NRXN1: variants seen among roughly 807,000 people sequenced by gnomAD.
NRXN1 encodes neurexin-1.
In NRXN1, 39 loss-of-function variants were observed where a neutral mutation model predicts 150.9. The ratio of observed to expected loss-of-function variants is 0.26; its 90% CI spans 0.20 to 0.34. The LOEUF (loss-of-function observed/expected upper bound fraction) is 0.34. Among genes scored for constraint, NRXN1 ranks in the 10% least tolerant of loss-of-function variants. NRXN1 has a pLI of 1.00. For missense variants in NRXN1, 1,815 were observed against 1,949.9 expected (o/e 0.93, Z 1.30); for synonymous variants, 924 against 757.0 (o/e 1.22, Z -3.62).
chr2:50,535,169 C>T (rs962790258), intron 10 of NRXN1, among the ~76,000 whole-genome samples: 7 of 152,162 alleles, frequency 4.6e-5, no homozygotes, highest in African/African-American at 1.4e-4. Context: ...TGGTAAACAA[C>T]ATTCTGACAT....
chr2:50,260,734 T>C (rs1220708526), intron 17 of NRXN1, among the ~76,000 whole-genome samples: 1 of 147,656 alleles, frequency 6.8e-6, no homozygotes, highest in African/African-American at 2.5e-5. Flanking sequence ...GAAGACAGTA[T>C]CAGAGCAGTG....
At chr2:49,963,108 C>T (rs1676291056) in intron 21 of NRXN1, among the ~76,000 whole-genome samples, 1 of 152,080 alleles carries the variant, frequency 6.6e-6, no homozygotes, top group African/African-American at 2.4e-5. Context: ...AGTTAGCTAC[C>T]CCTACAATGT....
intron 5 of NRXN1, among the ~76,000 whole-genome samples, chr2:50,818,452 T>G (rs1299888994): frequency 6.6e-6 from 1 of 151,908 alleles, no homozygotes; most frequent in Non-Finnish European, 1.5e-5. Context: ...TTGGTTTAAT[T>G]TTTTATTTTT....
chr2:50,785,873 A>G (rs562529391), intron 5 of NRXN1, among the ~76,000 whole-genome samples: 107 of 152,174 alleles, frequency 7.0e-4, no homozygotes, highest in African/African-American at 2.6e-3. Flanking sequence ...CTGTTGTCCA[A>G]CTACTATTAT....
intron 17 of NRXN1, among the ~76,000 whole-genome samples, chr2:50,281,744 T>G (rs2071495084): frequency 6.6e-6 from 1 of 152,106 alleles, no homozygotes; most frequent in African/African-American, 2.4e-5. Context: ...CATCTCAGAT[T>G]TATTTGTTGG....
chr2:50,606,837 T>C lies in NRXN1; in HGVS notation c.1320+13185A>G, dbSNP rs1230956561. On this transcript the variant is annotated intron_variant, in intron 8 of 22. Transcript: ENST00000401669. Reference sequence around the variant, plus strand: ...ATACTTAAAGAAAAACTACTAGGAATGCAAAATTCTTCCTTTGTGGTTAAT... The same window carrying C: ...ATACTTAAAGAAAAACTACTAGGAACGCAAAATTCTTCCTTTGTGGTTAAT... 2.6e-5 allele frequency among the ~76,000 whole-genome samples: 4 copies of C among 152,182 alleles called. No homozygotes were observed. In the East Asian group the frequency reaches 7.7e-4, roughly 29 times the overall value.
intron 17 of NRXN1, among the ~76,000 whole-genome samples, chr2:50,463,752 A>G (rs540509461): frequency 6.6e-6 from 1 of 151,940 alleles, no homozygotes; most frequent in Non-Finnish European, 1.5e-5. Context: ...AGTCTGCCAC[A>G]ACCAAATGGC....
chr2:50,140,265 G>C (rs1439253772), intron 18 of NRXN1, among the ~76,000 whole-genome samples: 3 of 152,068 alleles, frequency 2.0e-5, no homozygotes, highest in Non-Finnish European at 4.4e-5. Flanking sequence ...ACAATAGAGA[G>C]TATTTTTGAA....
intron 17 of NRXN1, among the ~76,000 whole-genome samples, chr2:50,411,094 G>C (rs1040550640): frequency 2.8e-5 from 4 of 144,650 alleles, no homozygotes; most frequent in East Asian, 4.6e-4. Flanking sequence ...CTCTGATGCC[G>C]AGCGGAGGCT....
At chr2:50,131,928 A>G (rs1705563051) in intron 18 of NRXN1, among the ~76,000 whole-genome samples, 1 of 152,134 alleles carries the variant, frequency 6.6e-6, no homozygotes. Flanking sequence ...TTGAACAAGT[A>G]TGGGGGAAAA....
At chr2:50,038,163 T>C (rs548627007) in intron 21 of NRXN1, among the ~76,000 whole-genome samples, 4 of 152,238 alleles carry the variant, frequency 2.6e-5, no homozygotes, top group Admixed American at 2.0e-4. Context: ...AAAATATACA[T>C]AAAAAATCAC....
At chr2:50,016,765 G>A (rs1013299462) in intron 21 of NRXN1, among the ~76,000 whole-genome samples, 3 of 152,050 alleles carry the variant, frequency 2.0e-5, no homozygotes, top group Non-Finnish European at 4.4e-5. Flanking sequence ...TAATCAGAGC[G>A]CAGACACACA....
At chr2:50,586,227 C>T (rs1446474392) in intron 8 of NRXN1, among the ~76,000 whole-genome samples, 4 of 152,130 alleles carry the variant, frequency 2.6e-5, no homozygotes, top group African/African-American at 4.8e-5. Context: ...CCAAAGGGAT[C>T]ACCCTCATAC....
chr2:50,814,284 G>A (rs1408460620), intron 5 of NRXN1, among the ~76,000 whole-genome samples: 4 of 151,946 alleles, frequency 2.6e-5, no homozygotes, highest in African/African-American at 7.3e-5. Context: ...GATGTGAGCT[G>A]CCACACCTGC....
intron 19 of NRXN1, among the ~76,000 whole-genome samples, chr2:50,076,304 C>T (rs1160775364): frequency 6.6e-6 from 1 of 152,148 alleles, no homozygotes; most frequent in African/African-American, 2.4e-5. Flanking sequence ...GAAAGAAATA[C>T]AAACTAATAC....
chr2:50,894,456 G>C (rs1681607244), intron 5 of NRXN1, among the ~76,000 whole-genome samples: 1 of 151,648 alleles, frequency 6.6e-6, no homozygotes, highest in African/African-American at 2.4e-5. Flanking sequence ...GATTTGTCCT[G>C]ATTATTCATT....
chr2:50,191,102 C>G (rs894057337), intron 18 of NRXN1, among the ~76,000 whole-genome samples: 12 of 152,044 alleles, frequency 7.9e-5, no homozygotes, highest in Non-Finnish European at 1.5e-4. Context: ...GATCTCAGCT[C>G]ACTATAACCT....
chr2:50,425,368 T>C (rs1227118876), intron 17 of NRXN1, among the ~76,000 whole-genome samples: 3 of 152,206 alleles, frequency 2.0e-5, no homozygotes, highest in African/African-American at 7.2e-5. Flanking sequence ...TTATGACTTG[T>C]TTCAATTATA....
At chr2:50,421,726 G>T (rs1354863487) in intron 17 of NRXN1, among the ~76,000 whole-genome samples, 4 of 152,074 alleles carry the variant, frequency 2.6e-5, no homozygotes, top group Admixed American at 2.0e-4. Context: ...AATGTATTTT[G>T]TAGCTAAACA....
Sources: allele counts gnomAD v4.1 joint callset (sites outside exome capture counted in the v4.1 genomes callset), GRCh38; gene constraint gnomAD v4.1.1; transcripts MANE v1.5; gene names NCBI Gene and HGNC (gene_info 2026-07-23, HGNC 2026-07-21).